BMPR1A: variants seen among roughly 807,000 people sequenced by gnomAD.
The protein encoded by BMPR1A is bone morphogenetic protein receptor type-1A.
A neutral mutation model predicts 66.0 loss-of-function variants in BMPR1A; 7 were observed. That is an observed-to-expected ratio of 0.11 (90% CI 0.06 to 0.20). The LOEUF is 0.20. Ranked by LOEUF, BMPR1A falls within the 10% of genes least tolerant of loss-of-function variation. BMPR1A has a pLI of 1.00. For missense variants in BMPR1A, 408 were observed against 669.1 expected (o/e 0.61, Z 4.31); for synonymous variants, 200 against 229.7 (o/e 0.87, Z 1.17).
intron 1 of BMPR1A, among the ~76,000 whole-genome samples, chr10:86,825,080 C>CT (rs35280609): frequency 0.32 from 46,787 of 144,298 alleles, 7,843 homozygotes; most frequent in East Asian, 0.57. Context: ...AAATGACATT[C>CT]TTTTTTTTTT....
chr10:86,816,253 TTAA>T (rs757716180), intron 1 of BMPR1A, among the ~76,000 whole-genome samples: 4 of 152,238 alleles, frequency 2.6e-5, no homozygotes, highest in Admixed American at 6.5e-5. Context: ...GTAAAATATC[TTAA>T]TAATTTTTAT....
chr10:86,802,956 A>G (rs1343590421), intron 1 of BMPR1A, among the ~76,000 whole-genome samples: 2 of 143,554 alleles, frequency 1.4e-5, no homozygotes, highest in Non-Finnish European at 3.0e-5. Context: ...CTGTGGCCCT[A>G]TCTAGGGATC....
intron 7 of BMPR1A, 97 bp from the exon 8 acceptor site, chr10:86,912,143 C>T: frequency 7.5e-7 from 1 of 1,328,740 alleles, no homozygotes; most frequent in Non-Finnish European, 1.1e-6. Context: ...AGGATTCTTT[C>T]TGAGGGAAGG....
chr10:86,928,090 AACT>A (rs1368429488), downstream of BMPR1A: 3 of 166,698 alleles, frequency 1.8e-5, no homozygotes, highest in African/African-American at 7.2e-5. Context: ...TGTACACTTC[AACT>A]ACCAGAAACC....
chr10:86,778,057 A>C (rs1203719182), intron 1 of BMPR1A, among the ~76,000 whole-genome samples: 1 of 152,024 alleles, frequency 6.6e-6, no homozygotes, highest in Non-Finnish European at 1.5e-5. Context: ...TAGGGGGTAC[A>C]TAATGTTGAC....
Position 86,923,367 on chromosome 10 carries a change from C to A in BMPR1A, c.1343-9C>A. The A allele has an allele frequency of 1.2e-6, 2 of 1,614,018 alleles. No individual in the cohort carries two copies. Among genetic ancestry groups the A allele is most frequent in the Non-Finnish European group, 1.7e-6 (2 of 1,180,012 alleles). On this transcript the variant is annotated splice_polypyrimidine_tract_variant and intron_variant, in intron 11 of 12. Transcript: ENST00000372037. ...ATTTTTGTGCCCATGTTTTCTCATT[C>A]CCTTATAGGGATCGTGGAAGAATAC...
intron 1 of BMPR1A, among the ~76,000 whole-genome samples, chr10:86,809,058 C>T (rs1022810505): frequency 2.0e-5 from 3 of 151,926 alleles, no homozygotes; most frequent in Admixed American, 1.3e-4. Context: ...TATTATGAGT[C>T]GTTCATTCAT....
intron 1 of BMPR1A, among the ~76,000 whole-genome samples, chr10:86,765,343 G>C (rs920326319): frequency 6.6e-6 from 1 of 151,728 alleles, no homozygotes; most frequent in African/African-American, 2.4e-5. Flanking sequence ...AAAATTAGCC[G>C]GGTGTGGTGG....
chr10:86,832,291 C>A (rs890638494), intron 1 of BMPR1A, among the ~76,000 whole-genome samples: 26 of 152,160 alleles, frequency 1.7e-4, no homozygotes, highest in African/African-American at 5.5e-4. Flanking sequence ...GATGGTGAAA[C>A]CCTGTCTCTA....
rs5786745 is a variant in BMPR1A at position 86,763,790 on chromosome 10, G to GTTTTTT, written c.-268+6885_-268+6890dup. Among the ~76,000 whole-genome samples, 11 of 117,420 alleles carry GTTTTTT rather than the reference G, an allele frequency of 9.4e-5. 1 individual carries two copies. The highest frequency in any genetic ancestry group is 2.2e-4 in the African/African-American group (7 of 31,160). The allele number at this position is 117,420 out of a possible 152,430, so 77.0% of individuals were successfully genotyped here. On this transcript the variant is annotated intron_variant, in intron 1 of 12. Coordinates refer to ENST00000372037, the MANE Select transcript of BMPR1A (RefSeq NM_004329.3). The stretch of plus-strand genomic sequence containing the variant: ...AAATCTGTAGGAGACTTGGATAGTT[G>GTTTTTT]TTTTTTTTTTTTTTTTTTTGAGACG...
chr10:86,820,773 AT>A lies in BMPR1A; in HGVS notation c.-267-18091del, dbSNP rs541641098. ...TCTTACTGGCCACTGCCTGGTTGGC[AT>A]CTACCACTTCTCTGGAATCAGCAAC... On this transcript the variant is annotated intron_variant, in intron 1 of 12. Coordinates refer to ENST00000372037, the MANE Select transcript of BMPR1A (RefSeq NM_004329.3). 1.8e-3 allele frequency among the ~76,000 whole-genome samples: 270 copies of A among 152,298 alleles called. 2 individuals carry two copies. The highest frequency in any genetic ancestry group is 5.5e-3 in the African/African-American group (230 of 41,560).
chr10:86,768,055 T>A (rs1448863465), intron 1 of BMPR1A, among the ~76,000 whole-genome samples: 7 of 152,234 alleles, frequency 4.6e-5, no homozygotes, highest in Admixed American at 4.6e-4. Flanking sequence ...GGTCACATTT[T>A]TCTGTGAATT....
In BMPR1A at chr10:86,767,258, C is replaced by A. The variant is rs532129529; in HGVS notation, c.-268+10339C>A. 2.0e-5 allele frequency among the ~76,000 whole-genome samples: 3 copies of A among 152,284 alleles called. No individual in the cohort carries two copies. The East Asian group carries it at 5.8e-4, about 29-fold the overall frequency. Reference sequence around the variant, plus strand: ...TGTCTTATACTCTCAACTTGTTATACGCTCCTTTGATTTTTGTGCTAAAAT... The same window carrying A: ...TGTCTTATACTCTCAACTTGTTATAAGCTCCTTTGATTTTTGTGCTAAAAT... On this transcript the variant is annotated intron_variant, in intron 1 of 12. Transcript: ENST00000372037.
chr10:86,895,169 A>G (rs532744462), intron 5 of BMPR1A, among the ~76,000 whole-genome samples: 19 of 152,362 alleles, frequency 1.2e-4, no homozygotes, highest in African/African-American at 4.6e-4. Context: ...AAGTTGCTGG[A>G]TCATTGAAAA....
intron 2 of BMPR1A, among the ~76,000 whole-genome samples, chr10:86,869,625 C>T (rs181485515): frequency 1.3e-5 from 2 of 151,910 alleles, no homozygotes; most frequent in Non-Finnish European, 2.9e-5. Flanking sequence ...GGCGTGATGG[C>T]GCATGCCTGT....
At chr10:86,818,984 G>A (rs948015088) in intron 1 of BMPR1A, among the ~76,000 whole-genome samples, 13 of 152,252 alleles carry the variant, frequency 8.5e-5, no homozygotes, top group Admixed American at 6.5e-4. Context: ...GAATGAACCC[G>A]AAGAATTCCT....
At chr10:86,767,493 A>G (rs1418810642) in intron 1 of BMPR1A, among the ~76,000 whole-genome samples, 2 of 152,156 alleles carry the variant, frequency 1.3e-5, no homozygotes, top group Non-Finnish European at 2.9e-5. Flanking sequence ...AGCCTGGGCA[A>G]TATGTTGAGA....
intron 1 of BMPR1A, among the ~76,000 whole-genome samples, chr10:86,786,162 A>T (rs1337768272): frequency 6.6e-6 from 1 of 152,110 alleles, no homozygotes; most frequent in East Asian, 1.9e-4. Context: ...CCAGGGCCAA[A>T]ACCTGCACTG....
At chr10:86,811,077 T>G (rs1433412764) in intron 1 of BMPR1A, among the ~76,000 whole-genome samples, 1 of 152,212 alleles carries the variant, frequency 6.6e-6, no homozygotes, top group Non-Finnish European at 1.5e-5. Flanking sequence ...ATTGCTCTGT[T>G]GCCCTGGCTG....
Sources: gnomAD v4.1 joint callset for allele counts (sites outside exome capture counted in the v4.1 genomes callset) on GRCh38, gnomAD v4.1.1 for gene constraint, MANE v1.5 for transcripts, NCBI Gene and HGNC (gene_info 2026-07-23, HGNC 2026-07-21) for gene names.